The following MAP4K4 variants were observed in gnomAD, a reference collection of about 807,000 sequenced individuals.
MAP4K4 encodes the protein mitogen-activated protein kinase kinase kinase kinase 4.
MAP4K4 carries 38 observed loss-of-function variants against 189.6 expected under a neutral mutation model. That is an observed-to-expected ratio of 0.20 (90% confidence interval 0.15 to 0.26). The LOEUF is 0.26. Among genes scored for constraint, MAP4K4 ranks in the 10% least tolerant of loss-of-function variants. MAP4K4 has a pLI of 1.00. For synonymous variants in MAP4K4, 610 were observed against 624.3 expected (o/e 0.98, Z 0.34); for missense variants, 1,054 against 1,726.9 (o/e 0.61, Z 6.91).
exon 33 of MAP4K4, chr2:101,893,485 A>G: frequency 3.0e-6 from 1 of 335,094 alleles, no homozygotes; most frequent in Non-Finnish European, 5.9e-6. Flanking sequence ...ATTTATATCC[A>G]TGTTTAGGCT....
At chr2:101,871,517 C>G in exon 24 of MAP4K4, 1 of 1,535,650 alleles carries the variant, frequency 6.5e-7, no homozygotes, top group Non-Finnish European at 8.7e-7. Context: ...AAAAGCGTGC[C>G]AGCCATCATG....
intron 2 of MAP4K4, among the ~76,000 whole-genome samples, chr2:101,713,297 A>G (rs1239004712): frequency 6.6e-6 from 1 of 152,150 alleles, no homozygotes; most frequent in East Asian, 1.9e-4. Context: ...ATCAATTAAA[A>G]AATTTTTAAT....
At chr2:101,725,926 T>C (rs907322179) in intron 2 of MAP4K4, among the ~76,000 whole-genome samples, 2 of 152,318 alleles carry the variant, frequency 1.3e-5, no homozygotes, top group East Asian at 3.9e-4. Flanking sequence ...ACCTATTTTT[T>C]TGTGGCCACT....
chr2:101,738,815 T>C (rs2061493847), intron 2 of MAP4K4, among the ~76,000 whole-genome samples: 2 of 152,072 alleles, frequency 1.3e-5, no homozygotes, highest in African/African-American at 4.8e-5. Context: ...TCTGCCTGGC[T>C]GCCACCATAT....
intron 24 of MAP4K4, 31 bp downstream of exon 24, chr2:101,871,716 C>T: frequency 6.5e-7 from 1 of 1,530,280 alleles, no homozygotes; most frequent in Non-Finnish European, 8.8e-7. Flanking sequence ...GGCTGCTTTC[C>T]TGGGGTTAGA....
exon 15 of MAP4K4, chr2:101,859,667 G>A (rs1317950719): frequency 6.2e-7 from 1 of 1,610,400 alleles, no homozygotes; most frequent in Non-Finnish European, 8.5e-7. Context: ...GGAGATGGAG[G>A]AGCACCGGCA....
At chr2:101,887,734 A>G in intron 30 of MAP4K4, 44 bp from the exon 31 acceptor site, 1 of 1,538,976 alleles carries the variant, frequency 6.5e-7, no homozygotes, top group Non-Finnish European at 8.8e-7. Context: ...AGGGCTGGAA[A>G]TAACCACAGA....
chr2:101,761,235 G>C (rs1418563004), intron 2 of MAP4K4, among the ~76,000 whole-genome samples: 2 of 151,988 alleles, frequency 1.3e-5, no homozygotes, highest in Non-Finnish European at 2.9e-5. Flanking sequence ...TTTTGGTTTT[G>C]GTATAAATGA....
chr2:101,878,825 G>GT (rs1468903430), intron 27 of MAP4K4, among the ~76,000 whole-genome samples: 3 of 152,062 alleles, frequency 2.0e-5, no homozygotes, highest in African/African-American at 7.2e-5. Flanking sequence ...AGCTTGTTAT[G>GT]TAACATATTT....
intron 2 of MAP4K4, among the ~76,000 whole-genome samples, chr2:101,705,292 C>A (rs1273079147): frequency 6.6e-6 from 1 of 152,002 alleles, no homozygotes; most frequent in Non-Finnish European, 1.5e-5. Flanking sequence ...ATATATCTAC[C>A]CTTATGGAAC....
intron 9 of MAP4K4, among the ~76,000 whole-genome samples, chr2:101,837,970 G>A (rs1025703891): frequency 3.3e-5 from 5 of 152,194 alleles, no homozygotes; most frequent in African/African-American, 1.2e-4. Context: ...TTACCCAAGT[G>A]TTCTAAAAGG....
intron 2 of MAP4K4, among the ~76,000 whole-genome samples, chr2:101,727,901 G>A (rs768376551): frequency 8.5e-5 from 13 of 152,124 alleles, no homozygotes; most frequent in African/African-American, 2.4e-4. Context: ...CCCAGGAGGC[G>A]GAGGTTGCAG....
chr2:101,876,951 G>T, intron 26 of MAP4K4, 52 bp from the exon 27 acceptor site: 1 of 1,592,154 alleles, frequency 6.3e-7, no homozygotes, highest in Non-Finnish European at 8.6e-7. Context: ...TACAACCTGG[G>T]GATTTGCCAA....
chr2:101,841,341 A>G (rs1415215498), intron 10 of MAP4K4, among the ~76,000 whole-genome samples: 4 of 152,256 alleles, frequency 2.6e-5, no homozygotes, highest in Non-Finnish European at 4.4e-5. Context: ...CTTTGAAGCT[A>G]GCATAATCTA....
At chr2:101,738,444 T>C (rs564634536) in intron 2 of MAP4K4, among the ~76,000 whole-genome samples, 2 of 152,308 alleles carry the variant, frequency 1.3e-5, no homozygotes, top group South Asian at 2.1e-4. Context: ...GTAGGATGCC[T>C]TTTTAAATTT....
intron 2 of MAP4K4, among the ~76,000 whole-genome samples, chr2:101,788,995 A>G (rs577817917): frequency 9.2e-5 from 14 of 152,328 alleles, no homozygotes; most frequent in African/African-American, 3.1e-4. Flanking sequence ...AGACCCTTCC[A>G]TCCCCAACAT....
At chr2:101,737,857 A>C (rs1348762556) in intron 2 of MAP4K4, among the ~76,000 whole-genome samples, 3 of 152,048 alleles carry the variant, frequency 2.0e-5, no homozygotes, top group Admixed American at 6.6e-5. Context: ...TGTCACCTTT[A>C]ACTTTCTCAC....
In MAP4K4 at chr2:101,831,870, G is replaced by A. The variant is rs182638383; in HGVS notation, c.639+19G>A. The A allele has an allele frequency of 1.1e-5, 18 of 1,611,072 alleles. No homozygotes were observed. Among genetic ancestry groups the A allele is most frequent in the East Asian group, 4.5e-5 (2 of 44,818 alleles). ...TTACAGAGTAAGAGGCACCTGCTCC[G>A]TAGGCCTTTGCAGGGCCACTGGCAT... is the stretch of plus-strand genomic sequence containing the variant. On this transcript the variant is annotated intron_variant, in intron 7 of 32. Coordinates refer to ENST00000324219, the Ensembl canonical transcript of MAP4K4.
intron 2 of MAP4K4, among the ~76,000 whole-genome samples, chr2:101,750,457 C>G (rs561201646): frequency 4.2e-5 from 6 of 144,448 alleles, no homozygotes; most frequent in Non-Finnish European, 7.5e-5. Context: ...GGGAATAGAA[C>G]AATGAGATCA....
Sources: gnomAD v4.1 joint callset for allele counts (sites outside exome capture counted in the v4.1 genomes callset) on GRCh38, gnomAD v4.1.1 for gene constraint, MANE v1.5 for transcripts, NCBI Gene and HGNC (gene_info 2026-07-23, HGNC 2026-07-21) for gene names.